The following DPY19L2 variants were observed in gnomAD, a reference collection of about 807,000 sequenced individuals.
The protein encoded by DPY19L2 is probable C-mannosyltransferase DPY19L2.
DPY19L2 carries 34 observed loss-of-function variants against 97.9 expected under a neutral mutation model. The observed-to-expected ratio is 0.35, with a 90% CI of 0.26 to 0.46. The LOEUF (loss-of-function observed/expected upper bound fraction) is 0.46. DPY19L2 is among the 20% of genes least tolerant of loss of function. The probability of loss-of-function intolerance (pLI) is 1.00; values close to 1 mark genes in which losing one functional copy is unlikely to be tolerated. For missense variants in DPY19L2, 623 were observed against 911.4 expected (o/e 0.68, Z 4.07); for synonymous variants, 230 against 307.9 (o/e 0.75, Z 2.65).
At chr12:63,592,957 A>T (rs1427059966) in intron 16 of DPY19L2, among the ~76,000 whole-genome samples, 6 of 150,124 alleles carry the variant, frequency 4.0e-5, no homozygotes, top group Non-Finnish European at 5.9e-5. Flanking sequence ...AAAACAAACA[A>T]CCCCATCAAA....
At chr12:63,610,020 T>C (rs531308544) in intron 11 of DPY19L2, among the ~76,000 whole-genome samples, 2 of 148,986 alleles carry the variant, frequency 1.3e-5, no homozygotes, top group South Asian at 4.2e-4. Context: ...AAATCCACAG[T>C]AGAACACTAG....
At chr12:63,582,375 T>A (rs1225364936) in intron 18 of DPY19L2, 31 bp downstream of exon 18, 1 of 1,598,206 alleles carries the variant, frequency 6.3e-7, no homozygotes, top group Non-Finnish European at 8.5e-7. Flanking sequence ...ATAGTTTTTA[T>A]AGTATTGTTA....
chr12:63,600,171 C>T, intron 13 of DPY19L2, 135 bp downstream of exon 13: 2 of 619,740 alleles, frequency 3.2e-6, no homozygotes, highest in Non-Finnish European at 5.5e-6. Flanking sequence ...ATTGACTCTG[C>T]CAATAACTCG....
At position 63,663,769 on chromosome 12, in the gene DPY19L2, G is replaced by A. The variant is rs571563483; in HGVS notation, c.439C>T (p.Arg147Cys). Residue 147 changes from arginine (R) to cysteine (C), a missense_variant, in exon 3 of 22, where the codon CGC becomes TGC. By Grantham distance (180) the Arg-to-Cys change is radical. Around this residue, in one of 6 missense-constraint regions of DPY19L2, gnomAD observed 84 missense variants for 125.4 expected, o/e 0.67. Coordinates refer to ENST00000324472, the MANE Select transcript of DPY19L2 (RefSeq NM_173812.5). ...AGAAGAAACCTAACCATTTCAGTGCGAAAAGTCATCTCCCGTTCCAAAGAT... is the reference window on the plus strand; with the variant it reads ...AGAAGAAACCTAACCATTTCAGTGCAAAAAGTCATCTCCCGTTCCAAAGAT... Reference protein sequence around the residue: ...LSSLEREMTFRTEMGLYYSYF... With the variant: ...LSSLEREMTFCTEMGLYYSYF... 8.1e-6 allele frequency: 13 copies of A among 1,602,062 alleles called. No homozygotes were observed. The highest frequency in any genetic ancestry group is 2.7e-5 in the African/African-American group (2 of 74,294).
Position 63,559,955 on chromosome 12 carries a change from T to C in DPY19L2, c.*557A>G, listed in dbSNP as rs1565682088. ...TAAAAACACTTCAACTTGAAATTATTAAAAAAAAGTATTAAAAGGTATTAG... is the reference window on the plus strand; with the variant it reads ...TAAAAACACTTCAACTTGAAATTATCAAAAAAAAGTATTAAAAGGTATTAG... On this transcript the variant is annotated 3_prime_UTR_variant, in exon 22 of 22. Coordinates refer to ENST00000324472, the MANE Select transcript of DPY19L2 (RefSeq NM_173812.5). The C allele has an allele frequency of 1.3e-5, 2 of 151,960 alleles. No individual in the cohort carries two copies. The allele number at this position is 151,960 out of a possible 1,614,324, so 9.4% of individuals were successfully genotyped here. A position where few individuals can be genotyped will look rare whatever the true frequency, so the allele number is the denominator to read the frequency against.
At chr12:63,641,114 C>A (rs1041349509) in intron 6 of DPY19L2, among the ~76,000 whole-genome samples, 4 of 152,072 alleles carry the variant, frequency 2.6e-5, no homozygotes, top group African/African-American at 9.7e-5. Context: ...CCTTGTTAGC[C>A]AGGTTGGTCT....
chr12:63,652,483 T>A (rs148150422), intron 4 of DPY19L2, among the ~76,000 whole-genome samples: 3 of 152,322 alleles, frequency 2.0e-5, no homozygotes, highest in East Asian at 3.9e-4. Context: ...GTATGTTCAC[T>A]GCAGCACTAC....
chr12:63,570,469 T>C (rs1330859575), intron 20 of DPY19L2, among the ~76,000 whole-genome samples: 1 of 152,108 alleles, frequency 6.6e-6, no homozygotes, highest in Non-Finnish European at 1.5e-5. Context: ...GTAGTTTTAC[T>C]GGAATACATA....
chr12:63,615,067 T>G (rs1434087619), intron 11 of DPY19L2, among the ~76,000 whole-genome samples: 1 of 152,086 alleles, frequency 6.6e-6, no homozygotes, highest in African/African-American at 2.4e-5. Context: ...GAGAACTTAG[T>G]AGAAACCTAA....
intron 6 of DPY19L2, among the ~76,000 whole-genome samples, chr12:63,640,267 G>T (rs1284997704): frequency 6.6e-6 from 1 of 152,084 alleles, no homozygotes; most frequent in Non-Finnish European, 1.5e-5. Context: ...GAGTTATTGG[G>T]TGCAGCACAC....
At chr12:63,561,578 T>C (rs1234168835) in intron 21 of DPY19L2, among the ~76,000 whole-genome samples, 1 of 151,892 alleles carries the variant, frequency 6.6e-6, no homozygotes, top group African/African-American at 2.4e-5. Context: ...ATCTGAGCTG[T>C]AGTTCCTACA....
At chr12:63,640,247 T>C (rs1318580899) in intron 6 of DPY19L2, among the ~76,000 whole-genome samples, 3 of 152,168 alleles carry the variant, frequency 2.0e-5, no homozygotes, top group Non-Finnish European at 4.4e-5. Context: ...ATATACCTAA[T>C]GTAAATGACG....
At chr12:63,579,697 TG>T (rs1279660948) in intron 19 of DPY19L2, among the ~76,000 whole-genome samples, 3 of 152,126 alleles carry the variant, frequency 2.0e-5, no homozygotes, top group Non-Finnish European at 4.4e-5. Context: ...TGAGCTCCTA[TG>T]TGGAAAAAGT....
intron 16 of DPY19L2, among the ~76,000 whole-genome samples, chr12:63,585,565 G>A (rs1333077500): frequency 2.0e-5 from 3 of 152,006 alleles, no homozygotes; most frequent in Non-Finnish European, 4.4e-5. Flanking sequence ...CACTTGTCCC[G>A]AAATCTTCTA....
intron 11 of DPY19L2, among the ~76,000 whole-genome samples, chr12:63,613,982 G>A (rs1887437347): frequency 6.6e-6 from 1 of 151,824 alleles, no homozygotes; most frequent in Non-Finnish European, 1.5e-5. Context: ...CTGAGGTCAG[G>A]AGTTTGAGAC....
chr12:63,600,491 A>G lies in DPY19L2; in HGVS notation c.1279-105T>C, dbSNP rs553280720. ...TAGAAAAAATTTAATTATGTGAGGT[A>G]TAAATGGTGAAGTTTTTAAAAAAAG... is the stretch of plus-strand genomic sequence containing the variant. On this transcript the variant is annotated intron_variant, in intron 12 of 21. Transcript: ENST00000324472. 4 of 952,458 alleles carry G rather than the reference A, an allele frequency of 4.2e-6. No homozygotes were observed. In the African/African-American group the frequency reaches 5.0e-5, roughly 12 times the overall value. 59.0% of individuals were successfully genotyped at this position (952,458 alleles called of 1,614,324 possible). A position where few individuals can be genotyped will look rare whatever the true frequency, so the allele number is the denominator to read the frequency against.
chr12:63,572,195 C>T (rs1481396346), intron 19 of DPY19L2, among the ~76,000 whole-genome samples: 1 of 152,150 alleles, frequency 6.6e-6, no homozygotes, highest in Non-Finnish European at 1.5e-5. Context: ...GCCCACTGCC[C>T]TGAAGGGTGA....
rs1431153637 is a variant in DPY19L2 at position 63,665,761 on chromosome 12, T to A, written c.362+74A>T. 2.5e-6 allele frequency: 3 copies of A among 1,178,244 alleles called. No individual in the cohort carries two copies. In the Admixed American group the frequency reaches 6.7e-5, roughly 26 times the overall value. The allele number at this position is 1,178,244 out of a possible 1,614,324, so 73.0% of individuals were successfully genotyped here. On this transcript the variant is annotated intron_variant, in intron 2 of 21. Transcript: ENST00000324472. ...CAAATATAGCCAGAAGTTATTGTTT[T>A]ACTGTATGCAAAGAGTGATGGCAAT...
intron 11 of DPY19L2, among the ~76,000 whole-genome samples, chr12:63,614,906 G>A (rs1224341481): frequency 3.3e-5 from 5 of 152,006 alleles, no homozygotes; most frequent in African/African-American, 7.3e-5. Context: ...CCCAGACTGC[G>A]GTCTTAAAAC....
Sources: allele counts gnomAD v4.1 joint callset (sites outside exome capture counted in the v4.1 genomes callset), GRCh38; gene constraint gnomAD v4.1.1; regional missense constraint gnomAD v4.1.1; transcripts MANE v1.5; gene names NCBI Gene and HGNC (gene_info 2026-07-23, HGNC 2026-07-21).